NPSR1: variants seen among roughly 807,000 people sequenced by gnomAD.
NPSR1 encodes neuropeptide S receptor.
Under a neutral mutation model 46.9 loss-of-function variants are expected in NPSR1, and 48 were observed. The observed-to-expected ratio is 1.02, with a 90% CI of 0.81 to 1.30. The LOEUF is 1.30. Ranked by LOEUF, NPSR1 falls within the 50% of genes most tolerant of loss-of-function variation. NPSR1 has a pLI of 0.00. For synonymous variants in NPSR1, 176 were observed against 168.1 expected, an observed-to-expected ratio of 1.05 and a Z score of -0.36; for missense variants, 450 against 449.5, an observed-to-expected ratio of 1.00 and a Z score of -0.01.
At position 34,673,422 on chromosome 7, in the gene NPSR1, T is replaced by C. The variant is rs373356795; in HGVS notation, c.148-11130T>C. Among the ~76,000 whole-genome samples, 75 of 152,334 alleles carry C rather than the reference T, an allele frequency of 4.9e-4. 2 individuals carry two copies. The South Asian group carries it at 0.015, about 31-fold the overall frequency. ...TCCCACTTCCGGCCTGAGTGTCATT[T>C]CTACACCAACATGTAAGCCAAGGCT... On this transcript the variant is annotated intron_variant, in intron 1 of 8. Transcript: ENST00000360581.
At chr7:34,868,967 G>A (rs1791388318) in intron 8 of NPSR1, among the ~76,000 whole-genome samples, 1 of 151,730 alleles carries the variant, frequency 6.6e-6, no homozygotes, top group Admixed American at 6.6e-5. Context: ...AGCAGGAGAG[G>A]AGACCAACCA....
chr7:34,795,334 T>C (rs1788125691), intron 3 of NPSR1, among the ~76,000 whole-genome samples: 1 of 152,172 alleles, frequency 6.6e-6, no homozygotes, highest in Non-Finnish European at 1.5e-5. Context: ...TGAGAAACTA[T>C]GAGCTTTCTT....
At chr7:34,789,343 C>T (rs1787613200) in intron 3 of NPSR1, among the ~76,000 whole-genome samples, 1 of 151,682 alleles carries the variant, frequency 6.6e-6, no homozygotes, top group Non-Finnish European at 1.5e-5. Context: ...TAGAAAAGAT[C>T]AATGAAGAGT....
At chr7:34,738,569 T>A (rs1028707179) in intron 2 of NPSR1, among the ~76,000 whole-genome samples, 1 of 152,222 alleles carries the variant, frequency 6.6e-6, no homozygotes, top group South Asian at 2.1e-4. Context: ...TTTGGCTTCT[T>A]TTTTTTCTTG....
chr7:34,703,884 C>T (rs1261479763), intron 2 of NPSR1: 6 of 128,134 alleles, frequency 4.7e-5, no homozygotes, highest in Non-Finnish European at 1.0e-4. Flanking sequence ...ATAAGAGTAA[C>T]TCCCGATGAG....
chr7:34,786,007 G>A lies in NPSR1; in HGVS notation c.384+7442G>A, dbSNP rs183563916. Among the ~76,000 whole-genome samples, 10 of 152,164 alleles carry A rather than the reference G, an allele frequency of 6.6e-5. No homozygotes were observed. The East Asian group carries it at 1.9e-3, about 29-fold the overall frequency. On this transcript the variant is annotated intron_variant, in intron 3 of 8. Transcript: ENST00000360581. ...GGTGGTGGTTGCCAAAGGTTGTGGT[G>A]GCTGTGGCAATTTCTTAAAATCAGA...
chr7:34,793,292 C>G (rs1400247159), intron 3 of NPSR1, among the ~76,000 whole-genome samples: 1 of 151,870 alleles, frequency 6.6e-6, no homozygotes, highest in African/African-American at 2.4e-5. Context: ...AGACTATTGG[C>G]AAACTATGCA....
intron 2 of NPSR1, among the ~76,000 whole-genome samples, chr7:34,767,405 C>T (rs1314761889): frequency 1.3e-5 from 2 of 152,086 alleles, no homozygotes; most frequent in Non-Finnish European, 2.9e-5. Flanking sequence ...TGAGTGATTT[C>T]ACAGAAAGAT....
At chr7:34,876,117 C>A (rs949191453) in intron 8 of NPSR1, among the ~76,000 whole-genome samples, 1 of 152,108 alleles carries the variant, frequency 6.6e-6, no homozygotes, top group Non-Finnish European at 1.5e-5. Flanking sequence ...AGGTGACAGC[C>A]ATAGACCACA....
At chr7:34,678,406 G>A (rs1792438023) in intron 1 of NPSR1, among the ~76,000 whole-genome samples, 2 of 151,896 alleles carry the variant, frequency 1.3e-5, no homozygotes, top group Middle Eastern at 3.4e-3. Flanking sequence ...TTTTAAAGAA[G>A]AAATTGCTTT....
At chr7:34,736,467 A>G (rs1363951719) in intron 2 of NPSR1, among the ~76,000 whole-genome samples, 1 of 152,100 alleles carries the variant, frequency 6.6e-6, no homozygotes, top group Non-Finnish European at 1.5e-5. Context: ...ATTACTGGCA[A>G]AACTACAACC....
chr7:34,857,276 T>C (rs748484334), intron 8 of NPSR1, among the ~76,000 whole-genome samples: 1 of 151,602 alleles, frequency 6.6e-6, no homozygotes, highest in Non-Finnish European at 1.5e-5. Context: ...AAAATTTATA[T>C]GGAAATGCAA....
intron 2 of NPSR1, among the ~76,000 whole-genome samples, chr7:34,749,572 T>G (rs1435795716): frequency 6.6e-6 from 1 of 152,212 alleles, no homozygotes; most frequent in Admixed American, 6.5e-5. Context: ...AGATAATGAC[T>G]ATATCATAGG....
intron 2 of NPSR1, among the ~76,000 whole-genome samples, chr7:34,743,017 ATTTG>A (rs1223173074): frequency 1.3e-5 from 2 of 152,232 alleles, no homozygotes; most frequent in Admixed American, 1.3e-4. Flanking sequence ...TCTCTTGTAA[ATTTG>A]TTTAAGTTTC....
At chr7:34,790,209 A>T (rs908304731) in intron 3 of NPSR1, among the ~76,000 whole-genome samples, 1 of 152,186 alleles carries the variant, frequency 6.6e-6, no homozygotes, top group African/African-American at 2.4e-5. Flanking sequence ...ATGCAACAAT[A>T]GTTTAACATA....
At chr7:34,692,855 T>C (rs1793334944) in intron 2 of NPSR1, among the ~76,000 whole-genome samples, 1 of 152,002 alleles carries the variant, frequency 6.6e-6, no homozygotes, top group Non-Finnish European at 1.5e-5. Flanking sequence ...TTAAGTACAA[T>C]CAGAAATGAT....
At chr7:34,841,032 C>T (rs1163966372) in intron 6 of NPSR1, among the ~76,000 whole-genome samples, 1 of 152,180 alleles carries the variant, frequency 6.6e-6, no homozygotes, top group Non-Finnish European at 1.5e-5. Context: ...AAATGAATTT[C>T]AAGTTTCAAG....
At chr7:34,828,664 A>G (rs1330949986) in intron 5 of NPSR1, among the ~76,000 whole-genome samples, 1 of 152,194 alleles carries the variant, frequency 6.6e-6, no homozygotes, top group Non-Finnish European at 1.5e-5. Flanking sequence ...TTTGTTTTTG[A>G]TAGTGTAAAG....
intron 2 of NPSR1, among the ~76,000 whole-genome samples, chr7:34,712,011 A>G (rs2128702650): frequency 6.6e-6 from 1 of 152,300 alleles, no homozygotes; most frequent in East Asian, 1.9e-4. Context: ...CTATTCCACA[A>G]ATATCCTCAT....
Sources: gnomAD v4.1 joint callset for allele counts (sites outside exome capture counted in the v4.1 genomes callset) on GRCh38, gnomAD v4.1.1 for gene constraint, MANE v1.5 for transcripts, NCBI Gene and HGNC (gene_info 2026-07-23, HGNC 2026-07-21) for gene names.